Variants in NKAIN3 observed in about 807,000 individuals in gnomAD.
The protein encoded by NKAIN3 is sodium/potassium-transporting ATPase subunit beta-1-interacting protein 3.
Under a neutral mutation model 30.2 loss-of-function variants are expected in NKAIN3, and 25 were observed. The observed-to-expected ratio is 0.83, with a 90% CI of 0.60 to 1.16. NKAIN3 has a LOEUF of 1.16. Ranked by LOEUF, NKAIN3 falls within the 50% of genes most tolerant of loss-of-function variation. The pLI is 0.00. For missense variants in NKAIN3, 225 were observed against 254.1 expected, an observed-to-expected ratio of 0.89 and a Z score of 0.78; for synonymous variants, 91 against 89.6, an observed-to-expected ratio of 1.02 and a Z score of -0.09.
intron 1 of NKAIN3, 132 bp from the exon 2 acceptor site, chr8:62,579,407 A>G (rs1054530717): frequency 1.6e-6 from 1 of 615,958 alleles, no homozygotes; most frequent in African/African-American, 1.8e-5. Context: ...AAGAATGAAA[A>G]TTCTAATAAT....
intron 1 of NKAIN3, among the ~76,000 whole-genome samples, chr8:62,397,744 C>T (rs772538849): frequency 4.6e-5 from 7 of 152,132 alleles, no homozygotes; most frequent in East Asian, 1.9e-4. Flanking sequence ...CTGGAGTCGG[C>T]GCTACGGCAT....
rs568026609 is a variant in NKAIN3 at position 62,968,185 on chromosome 8, T to C, written c.*2778T>C. On this transcript the variant is annotated 3_prime_UTR_variant, in exon 7 of 7. Transcript: ENST00000623646. ...TCTTTTCTTCTCCCTGCCTTTCATC[T>C]TCCTGGTTTCTCTTTGAGGGCTATG... 4.9e-4 allele frequency among the ~76,000 whole-genome samples: 74 copies of C among 152,210 alleles called. No individual in the cohort carries two copies. The highest frequency in any genetic ancestry group is 8.5e-4 in the Non-Finnish European group (58 of 68,040).
chr8:62,255,470 T>C (rs545749065), intron 1 of NKAIN3, among the ~76,000 whole-genome samples: 81 of 152,308 alleles, frequency 5.3e-4, no homozygotes, highest in Non-Finnish European at 8.8e-4. Flanking sequence ...ACCTGGATTT[T>C]GGATTTCTAG....
chr8:62,328,119 AT>A (rs1185682051), intron 1 of NKAIN3, among the ~76,000 whole-genome samples: 1 of 152,064 alleles, frequency 6.6e-6, no homozygotes, highest in Non-Finnish European at 1.5e-5. Context: ...ATGTATATCA[AT>A]TTTGTACCTG....
At chr8:62,806,560 A>C (rs1188046144) in intron 4 of NKAIN3, among the ~76,000 whole-genome samples, 1 of 152,128 alleles carries the variant, frequency 6.6e-6, no homozygotes, top group Non-Finnish European at 1.5e-5. Flanking sequence ...AAGGACAAAA[A>C]ACCAAACACC....
Position 62,977,789 on chromosome 8 carries a change from G to A in NKAIN3, c.*12382G>A, listed in dbSNP as rs1823978267. The A allele has an allele frequency of 6.6e-6, 1 of 152,074 alleles. No homozygotes were observed. Among genetic ancestry groups the A allele is most frequent in the East Asian group, 1.9e-4 (1 of 5,146 alleles). The allele number at this position is 152,074 out of a possible 1,614,324, so 9.4% of individuals were successfully genotyped here. A position where few individuals can be genotyped will look rare whatever the true frequency, so the allele number is the denominator to read the frequency against. On this transcript the variant is annotated 3_prime_UTR_variant, in exon 7 of 7. Transcript: ENST00000623646. ...GTTGTGATCCTTTGGAGGAGAAGAG[G>A]CGTTCTGGTTTTGGGAATTTTCAGC...
intron 1 of NKAIN3, among the ~76,000 whole-genome samples, chr8:62,478,796 C>T (rs1026314473): frequency 7.9e-5 from 12 of 152,094 alleles, no homozygotes; most frequent in African/African-American, 2.7e-4. Flanking sequence ...CCGTATTTTT[C>T]TAAAACTTCC....
intron 3 of NKAIN3, among the ~76,000 whole-genome samples, chr8:62,638,224 G>T (rs901791067): frequency 2.6e-5 from 4 of 152,136 alleles, no homozygotes; most frequent in Non-Finnish European, 5.9e-5. Flanking sequence ...ATGGTAGGAG[G>T]AGGACTGATT....
At chr8:62,403,652 T>C (rs12546764) in intron 1 of NKAIN3, among the ~76,000 whole-genome samples, 107,945 of 152,122 alleles carry the variant, frequency 0.71, 38,570 homozygotes, top group Non-Finnish European at 0.74. Context: ...TGGGAACCTC[T>C]GCCTAGATTT....
chr8:62,524,839 A>G (rs1808252868), intron 1 of NKAIN3, among the ~76,000 whole-genome samples: 1 of 152,162 alleles, frequency 6.6e-6, no homozygotes, highest in Non-Finnish European at 1.5e-5. Flanking sequence ...TTGTAAATGA[A>G]TACAGGTCTA....
At chr8:62,252,814 T>C (rs1021648815) in intron 1 of NKAIN3, among the ~76,000 whole-genome samples, 53 of 152,358 alleles carry the variant, frequency 3.5e-4, no homozygotes, top group African/African-American at 1.3e-3. Flanking sequence ...TCATTAGATA[T>C]GTGTAATTTA....
intron 1 of NKAIN3, among the ~76,000 whole-genome samples, chr8:62,364,080 A>G (rs1002587424): frequency 2.6e-5 from 4 of 152,128 alleles, no homozygotes; most frequent in Non-Finnish European, 5.9e-5. Flanking sequence ...AAATTTTTTC[A>G]TGTATGCTTT....
intron 5 of NKAIN3, among the ~76,000 whole-genome samples, chr8:62,946,267 C>T (rs72656520): frequency 0.028 from 4,246 of 152,218 alleles, 76 homozygotes; most frequent in African/African-American, 0.034. Context: ...ACATAAGCAA[C>T]GGTTTAAGGC....
intron 4 of NKAIN3, among the ~76,000 whole-genome samples, chr8:62,911,478 C>G (rs1247995751): frequency 6.6e-6 from 1 of 152,106 alleles, no homozygotes; most frequent in African/African-American, 2.4e-5. Context: ...GGCAAAACAA[C>G]AGAACTCCTC....
intron 4 of NKAIN3, among the ~76,000 whole-genome samples, chr8:62,873,049 A>G (rs576831902): frequency 1.3e-5 from 2 of 152,306 alleles, no homozygotes; most frequent in African/African-American, 4.8e-5. Flanking sequence ...AGACTGGCAA[A>G]TTGGATAAGG....
At chr8:62,249,179 GCCTCTGCGACTC>G (rs1397644655) in intron 1 of NKAIN3, 52 bp downstream of exon 1, 1 of 1,441,908 alleles carries the variant, frequency 6.9e-7, no homozygotes, top group Non-Finnish European at 9.3e-7. Flanking sequence ...TCCAGGACCG[GCCTCTGCGACTC>G]CCTCTGCGGT....
intron 4 of NKAIN3, among the ~76,000 whole-genome samples, chr8:62,750,667 G>T (rs562005448): frequency 1.7e-4 from 26 of 152,256 alleles, no homozygotes; most frequent in Middle Eastern, 6.8e-3. Flanking sequence ...CACAGAGAAG[G>T]TTCTTGTTGT....
intron 4 of NKAIN3, among the ~76,000 whole-genome samples, chr8:62,867,773 A>G (rs1334502696): frequency 1.3e-5 from 2 of 152,248 alleles, no homozygotes; most frequent in Admixed American, 1.3e-4. Context: ...AGCATATGAC[A>G]TATTTTTCAT....
chr8:62,735,340 A>G (rs1388243675), intron 3 of NKAIN3, among the ~76,000 whole-genome samples: 3 of 148,076 alleles, frequency 2.0e-5, no homozygotes, highest in Non-Finnish European at 3.0e-5. Flanking sequence ...GGGTTAATTC[A>G]AAAACCTTTC....
Sources: gnomAD v4.1 joint callset for allele counts (sites outside exome capture counted in the v4.1 genomes callset) on GRCh38, gnomAD v4.1.1 for gene constraint, MANE v1.5 for transcripts, NCBI Gene and HGNC (gene_info 2026-07-23, HGNC 2026-07-21) for gene names.